The following CHIC2 variants were observed in gnomAD, a reference collection of about 807,000 sequenced individuals.
CHIC2 encodes the protein cysteine rich hydrophobic domain 2.
A neutral mutation model predicts 25.9 loss-of-function variants in CHIC2; 14 were observed. The observed-to-expected ratio is 0.54, with a 90% CI of 0.36 to 0.85. The LOEUF is 0.85. Among genes scored for constraint, CHIC2 ranks in the 40% least tolerant of loss-of-function variants. CHIC2 has a pLI of 0.01. For synonymous variants in CHIC2, 70 were observed against 72.0 expected (o/e 0.97, Z 0.14); for missense variants, 146 against 202.0 (o/e 0.72, Z 1.68).
intron 3 of CHIC2, among the ~76,000 whole-genome samples, chr4:54,023,116 G>A (rs1715951488): frequency 6.6e-6 from 1 of 152,002 alleles, no homozygotes; most frequent in Admixed American, 6.6e-5. Context: ...AACAGCCCTA[G>A]AAGCTGCCAC....
chr4:54,041,067 C>T (rs1037258923), intron 3 of CHIC2, among the ~76,000 whole-genome samples: 4 of 150,594 alleles, frequency 2.7e-5, no homozygotes, highest in East Asian at 2.0e-4. Flanking sequence ...CAGGCACGTG[C>T]CACCATGCCA....
At chr4:54,071,544 A>T in the CHIC2 span, among the ~76,000 whole-genome samples, 1 of 152,374 alleles carries the variant, frequency 6.6e-6, no homozygotes, top group South Asian at 2.1e-4. Context: ...CTTGAACTCA[A>T]ATAGGATCTT....
At chr4:54,081,326 T>C in the CHIC2 span, among the ~76,000 whole-genome samples, 1 of 152,006 alleles carries the variant, frequency 6.6e-6, no homozygotes, top group African/African-American at 2.4e-5. Flanking sequence ...TTCTAGTCTA[T>C]AAGATGGGCA....
Position 54,010,091 on chromosome 4 carries a change from A to T in CHIC2, c.*4T>A, listed in dbSNP as rs775265915. 6.3e-7 allele frequency: 1 copy of T among 1,593,088 alleles called. No individual in the cohort carries two copies. The highest frequency in any genetic ancestry group is 8.6e-7 in the Non-Finnish European group (1 of 1,162,282). On this transcript the variant is annotated 3_prime_UTR_variant, in exon 6 of 6. Coordinates refer to ENST00000263921, the MANE Select transcript of CHIC2 (RefSeq NM_012110.4). ...TTGGAAAGTCTCTATAAATAAAGTA[A>T]ATGCTAATCTGGTCGAAAAATCGGT...
the CHIC2 span, among the ~76,000 whole-genome samples, chr4:54,089,652 C>A: frequency 6.6e-6 from 1 of 152,098 alleles, no homozygotes. Flanking sequence ...TATTCCCTTC[C>A]ATTTTAACAG....
In CHIC2 at chr4:54,009,971, CAAAA is replaced by C; in HGVS notation, c.*120_*123del. ...CGGTTATTTAAAAAAAAAACAAAAA[CAAAA>C]ACAAAAAAAACACCACACGATTCTG... On this transcript the variant is annotated 3_prime_UTR_variant, in exon 6 of 6. Transcript: ENST00000263921. The C allele has an allele frequency of 2.2e-6, 1 of 455,810 alleles. No individual in the cohort carries two copies. The highest frequency in any genetic ancestry group is 3.7e-6 in the Non-Finnish European group (1 of 269,554). The allele number at this position is 455,810 out of a possible 1,614,324, so 28.2% of individuals were successfully genotyped here.
intron 3 of CHIC2, among the ~76,000 whole-genome samples, chr4:54,043,364 T>G (rs920380381): frequency 2.1e-5 from 3 of 141,018 alleles, no homozygotes; most frequent in African/African-American, 8.1e-5. Context: ...GAGCTTGCAG[T>G]GAGCAGAGAT....
intron 1 of CHIC2, among the ~76,000 whole-genome samples, chr4:54,052,956 T>C (rs567864323): frequency 3.0e-4 from 46 of 151,850 alleles, no homozygotes; most frequent in African/African-American, 1.1e-3. Flanking sequence ...ATTTACAACA[T>C]TTTAGGAATG....
the CHIC2 span, among the ~76,000 whole-genome samples, chr4:54,072,530 A>G: frequency 1.3e-5 from 2 of 152,192 alleles, no homozygotes; most frequent in Non-Finnish European, 2.9e-5. Flanking sequence ...TAGCTGAACA[A>G]CTACAATAAT....
intron 5 of CHIC2, among the ~76,000 whole-genome samples, chr4:54,011,183 T>TA (rs1715573909): frequency 6.6e-6 from 1 of 152,152 alleles, no homozygotes; most frequent in African/African-American, 2.4e-5. Context: ...TCAATACTTC[T>TA]ACAAATTAGC....
chr4:54,047,881 TA>T (rs1716884974), intron 3 of CHIC2, among the ~76,000 whole-genome samples: 1 of 151,998 alleles, frequency 6.6e-6, no homozygotes, highest in Non-Finnish European at 1.5e-5. Flanking sequence ...AAAATTTTTT[TA>T]AAGTATCATT....
intron 3 of CHIC2, among the ~76,000 whole-genome samples, chr4:54,043,620 A>C (rs2110080420): frequency 6.6e-6 from 1 of 152,258 alleles, no homozygotes; most frequent in Middle Eastern, 3.4e-3. Flanking sequence ...TTCTGTCAGC[A>C]CCAGGCCTGC....
chr4:54,046,845 C>G (rs1181966081), intron 3 of CHIC2, among the ~76,000 whole-genome samples: 1 of 152,168 alleles, frequency 6.6e-6, no homozygotes, highest in Admixed American at 6.6e-5. Flanking sequence ...AAGAAACTAC[C>G]ATCAGAGTGA....
At chr4:54,059,251 G>T (rs138606734) in intron 1 of CHIC2, among the ~76,000 whole-genome samples, 1 of 152,088 alleles carries the variant, frequency 6.6e-6, no homozygotes, top group East Asian at 1.9e-4. Flanking sequence ...GGGAAGCCAC[G>T]CATGGTGGTT....
At chr4:54,020,302 G>C (rs1274513272) in intron 3 of CHIC2, among the ~76,000 whole-genome samples, 1 of 152,070 alleles carries the variant, frequency 6.6e-6, no homozygotes, top group African/African-American at 2.4e-5. Flanking sequence ...CCACCCTTGA[G>C]AATGTACTTT....
At chr4:54,026,839 T>C (rs1577968185) in intron 3 of CHIC2, among the ~76,000 whole-genome samples, 1 of 152,320 alleles carries the variant, frequency 6.6e-6, no homozygotes, top group East Asian at 1.9e-4. Flanking sequence ...TTCCTTTCAC[T>C]TTAAAATCTT....
chr4:54,066,994 A>C (rs891285964), upstream of CHIC2, among the ~76,000 whole-genome samples: 5 of 152,242 alleles, frequency 3.3e-5, no homozygotes, highest in Non-Finnish European at 5.9e-5. Flanking sequence ...AGGAAGCCAC[A>C]CAGAGCTCCT....
intron 1 of CHIC2, among the ~76,000 whole-genome samples, chr4:54,055,135 AT>A (rs944420491): frequency 6.6e-6 from 1 of 151,974 alleles, no homozygotes; most frequent in Non-Finnish European, 1.5e-5. Context: ...GAAGAAAAAA[AT>A]ATATATATAT....
intron 3 of CHIC2, among the ~76,000 whole-genome samples, chr4:54,026,072 C>A (rs1029299768): frequency 2.0e-5 from 3 of 151,998 alleles, no homozygotes; most frequent in African/African-American, 7.3e-5. Context: ...GGACTACTTT[C>A]TTTTTACATA....
Sources: allele counts gnomAD v4.1 joint callset (sites outside exome capture counted in the v4.1 genomes callset), GRCh38; gene constraint gnomAD v4.1.1; transcripts MANE v1.5; gene names NCBI Gene and HGNC (gene_info 2026-07-23, HGNC 2026-07-21).